TMC2: variants seen among roughly 807,000 people sequenced by gnomAD.
The protein encoded by TMC2 is transmembrane channel-like protein 2.
TMC2 carries 102 observed loss-of-function variants against 105.9 expected under a neutral mutation model. The observed-to-expected ratio is 0.96, with a 90% CI of 0.82 to 1.14. The LOEUF is 1.14. Among genes scored for constraint, TMC2 ranks in the 50% most tolerant of loss-of-function variants. The pLI is 0.00. For missense variants in TMC2, 1,093 were observed against 1,134.3 expected (o/e 0.96, Z 0.52); for synonymous variants, 402 against 422.8 (o/e 0.95, Z 0.60).
At position 2,602,297 on chromosome 20, in the gene TMC2, A is replaced by G. The variant is rs2086357929; in HGVS notation, c.1409A>G (p.Asn470Ser). 1 of 1,587,964 alleles carries G rather than the reference A, an allele frequency of 6.3e-7. No individual in the cohort carries two copies. Among genetic ancestry groups the G allele is most frequent in the African/African-American group, 1.4e-5 (1 of 73,800 alleles). The change falls in exon 11 of 20, where the codon AAT becomes AGT. Residue 470 changes from asparagine (N) to serine (S), a missense_variant. Transcript: ENST00000358864. ...CAGAATGTCAGCTGGTATGAAAGGA[A>G]TGAGGTAAGAAAAACATCGCTGATG... is the stretch of plus-strand genomic sequence containing the variant. ...KMQNVSWYER[N>S]EVEIVMSLLG...
intron 4 of TMC2, among the ~76,000 whole-genome samples, chr20:2,566,353 T>C (rs1184170295): frequency 6.6e-6 from 1 of 152,226 alleles, no homozygotes; most frequent in Non-Finnish European, 1.5e-5. Context: ...TGCCTGACAC[T>C]ATGCTGAGCC....
At chr20:2,634,875 A>C (rs953116111) in intron 17 of TMC2, among the ~76,000 whole-genome samples, 7 of 152,144 alleles carry the variant, frequency 4.6e-5, no homozygotes, top group Admixed American at 4.6e-4. Flanking sequence ...CAGAAGGCTC[A>C]CTTGACAGCC....
At chr20:2,621,238 T>C (rs2086522567) in intron 16 of TMC2, among the ~76,000 whole-genome samples, 1 of 152,026 alleles carries the variant, frequency 6.6e-6, no homozygotes, top group Non-Finnish European at 1.5e-5. Context: ...GGTGCGTGCC[T>C]GTAATCCCAG....
In TMC2 at chr20:2,641,252, T is replaced by G; in HGVS notation, c.2622T>G (p.Ser874=). The change falls in exon 20 of 20, where the codon TCT becomes TCG. Residue 874 remains serine (S), a synonymous_variant. Transcript: ENST00000358864. ...CTGCCTCTGGACACCTTCCTATATC[T>G]CGGCCCCCTGGAATCGGACCAGATT... is the stretch of plus-strand genomic sequence containing the variant. ...TLPASGHLPI[S]RPPGIGPDSG... The G allele has an allele frequency of 6.2e-7, 1 of 1,614,050 alleles. No homozygotes were observed. The highest frequency in any genetic ancestry group is 8.5e-7 in the Non-Finnish European group (1 of 1,180,008).
chr20:2,554,549 CTTCTT>C (rs2122817661), intron 2 of TMC2, among the ~76,000 whole-genome samples: 1 of 152,166 alleles, frequency 6.6e-6, no homozygotes, highest in South Asian at 2.1e-4. Context: ...GATTTTAGAT[CTTCTT>C]TTCTAATAGA....
intron 17 of TMC2, among the ~76,000 whole-genome samples, chr20:2,626,402 G>C (rs1406421753): frequency 6.6e-6 from 1 of 152,028 alleles, no homozygotes; most frequent in Admixed American, 6.6e-5. Context: ...AAGCTGCTTG[G>C]GCTTCCTCAT....
chr20:2,589,325 G>GTGTGT (rs2086253293), intron 7 of TMC2, among the ~76,000 whole-genome samples: 1 of 28,662 alleles, frequency 3.5e-5, no homozygotes, highest in Non-Finnish European at 6.5e-5. Context: ...TGTGTGTGTG[G>GTGTGT]AGATGGGGTT....
chr20:2,542,784 C>T (rs560815427), intron 2 of TMC2, among the ~76,000 whole-genome samples: 4 of 151,488 alleles, frequency 2.6e-5, no homozygotes, highest in African/African-American at 4.8e-5. Flanking sequence ...CTCCGCCTCC[C>T]GGGTTCAAGC....
chr20:2,552,935 A>G (rs1188124103), intron 2 of TMC2, among the ~76,000 whole-genome samples: 1 of 152,212 alleles, frequency 6.6e-6, no homozygotes. Context: ...TGCATCCTGC[A>G]TCATTGTTAC....
At chr20:2,580,078 T>C (rs771141523) in intron 7 of TMC2, 22 bp downstream of exon 7, 2 of 1,506,962 alleles carry the variant, frequency 1.3e-6, no homozygotes, top group African/African-American at 2.8e-5. Context: ...ACTTCCTAAA[T>C]CTTTGGATAG....
chr20:2,602,298 T>C lies in TMC2; in HGVS notation c.1410T>C (p.Asn470=), dbSNP rs777875509. The C allele has an allele frequency of 6.3e-7, 1 of 1,587,402 alleles. No individual in the cohort carries two copies. Among genetic ancestry groups the C allele is most frequent in the Admixed American group, 1.8e-5 (1 of 55,220 alleles). The part of the protein sequence containing the change: ...KMQNVSWYER[N]EVEIVMSLLG... The stretch of plus-strand genomic sequence containing the variant: ...AGAATGTCAGCTGGTATGAAAGGAA[T>C]GAGGTAAGAAAAACATCGCTGATGA... Residue 470 remains asparagine (N), a synonymous_variant, in exon 11 of 20, where the codon AAT becomes AAC. Coordinates refer to ENST00000358864, the MANE Select transcript of TMC2 (RefSeq NM_080751.3).
At chr20:2,562,166 G>A (rs749302921) in intron 4 of TMC2, among the ~76,000 whole-genome samples, 156 bp downstream of exon 4, 1 of 152,270 alleles carries the variant, frequency 6.6e-6, no homozygotes, top group Non-Finnish European at 1.5e-5. Flanking sequence ...AGCCAAGGCG[G>A]CCGTGCTGTT....
intron 2 of TMC2, among the ~76,000 whole-genome samples, chr20:2,540,808 C>T (rs550677677): frequency 6.6e-6 from 1 of 152,260 alleles, no homozygotes; most frequent in Admixed American, 6.5e-5. Context: ...GTCACCCTCC[C>T]CACATCACCT....
Position 2,592,310 on chromosome 20 carries a change from G to T in TMC2, c.835G>T (p.Val279Leu). 1 of 1,608,290 alleles carries T rather than the reference G, an allele frequency of 6.2e-7. No homozygotes were observed. Among genetic ancestry groups the T allele is most frequent in the Non-Finnish European group, 8.5e-7 (1 of 1,174,774 alleles). ...LIFGLVIIPEVLMGMPYGSIP... is the reference protein window; with the variant it reads ...LIFGLVIIPELLMGMPYGSIP... ...TTGTGTCATTGTGTTTCTGCACAAG[G>T]TACTGATGGGCATGCCCTATGGGAG... Residue 279 changes from valine to leucine, a missense_variant and splice_region_variant, in exon 8 of 20, where the codon GTA (valine) becomes TTA (leucine). Coordinates refer to ENST00000358864, the MANE Select transcript of TMC2 (RefSeq NM_080751.3). This position sits in a 1 kb window ranked among gnomAD's most constrained non-coding sequence, Gnocchi z 4.9.
chr20:2,612,145 C>A (rs779483647), intron 12 of TMC2, 46 bp from the exon 13 acceptor site: 2 of 1,539,270 alleles, frequency 1.3e-6, no homozygotes, highest in Non-Finnish European at 8.8e-7. Context: ...AACAGTTGGA[C>A]CATCCCTAGC....
In TMC2 at chr20:2,641,604, C is replaced by G. The variant is rs1487013359; in HGVS notation, c.*253C>G. 2.2e-6 allele frequency: 1 copy of G among 459,442 alleles called. No homozygotes were observed. The highest frequency in any genetic ancestry group is 4.0e-6 in the Non-Finnish European group (1 of 252,676). The allele number at this position is 459,442 out of a possible 1,614,324, so 28.5% of individuals were successfully genotyped here. ...GCCCTCCCAAATATCTTGGTTCAGA[C>G]AGCTCTGAACCCCACGCTCACAGTG... On this transcript the variant is annotated 3_prime_UTR_variant, in exon 20 of 20. Coordinates refer to ENST00000358864, the MANE Select transcript of TMC2 (RefSeq NM_080751.3).
intron 2 of TMC2, among the ~76,000 whole-genome samples, chr20:2,556,578 C>T (rs1427748847): frequency 6.6e-6 from 1 of 151,938 alleles, no homozygotes; most frequent in Non-Finnish European, 1.5e-5. Flanking sequence ...TGAGATCAGC[C>T]TGGGCAAGAT....
At chr20:2,576,800 T>C (rs2086148218) in intron 5 of TMC2, among the ~76,000 whole-genome samples, 1 of 152,134 alleles carries the variant, frequency 6.6e-6, no homozygotes, top group African/African-American at 2.4e-5. Context: ...GTCACTGCCA[T>C]AGAAACCAAA....
chr20:2,579,089 C>G, intron 5 of TMC2, 57 bp from the exon 6 acceptor site: 1 of 1,010,650 alleles, frequency 9.9e-7, no homozygotes, highest in Non-Finnish European at 1.6e-6. Context: ...CATCATGCCC[C>G]TTTGTGCTCC....
Sources: gnomAD v4.1 joint callset for allele counts (sites outside exome capture counted in the v4.1 genomes callset) on GRCh38, gnomAD v4.1.1 for gene constraint, Gnocchi (gnomAD v3.1) non-coding constraint, MANE v1.5 for transcripts, NCBI Gene and HGNC (gene_info 2026-07-23, HGNC 2026-07-21) for gene names.